Variants in SCLT1 observed in about 807,000 individuals in gnomAD.
SCLT1 encodes the protein sodium channel and clathrin linker 1.
SCLT1 carries 78 observed loss-of-function variants against 112.8 expected under a neutral mutation model. That is an observed-to-expected ratio of 0.69 (90% CI 0.58 to 0.83). SCLT1 has a LOEUF of 0.83. SCLT1 is among the 40% of genes least tolerant of loss of function. SCLT1 has a pLI of 0.00. For synonymous variants in SCLT1, 257 were observed against 254.7 expected (o/e 1.01, Z -0.09); for missense variants, 747 against 770.4 (o/e 0.97, Z 0.36).
chr4:129,057,830 C>G (rs1417394262), intron 2 of SCLT1, among the ~76,000 whole-genome samples: 1 of 151,834 alleles, frequency 6.6e-6, no homozygotes, highest in Non-Finnish European at 1.5e-5. Context: ...CGACTCACTG[C>G]AACCTCTACC....
chr4:129,051,278 T>G (rs1748766349), intron 2 of SCLT1, among the ~76,000 whole-genome samples: 1 of 152,166 alleles, frequency 6.6e-6, no homozygotes, highest in Non-Finnish European at 1.5e-5. Flanking sequence ...CAATGGTAGC[T>G]TGAGGGGAAT....
intron 5 of SCLT1, among the ~76,000 whole-genome samples, chr4:129,009,028 T>C (rs570567364): frequency 2.0e-5 from 3 of 152,356 alleles, no homozygotes; most frequent in African/African-American, 7.2e-5. Context: ...TATTCCATTG[T>C]ATATATGTAC....
chr4:129,084,432 T>TA (rs34518262), intron 1 of SCLT1, among the ~76,000 whole-genome samples: 18 of 151,750 alleles, frequency 1.2e-4, no homozygotes, highest in African/African-American at 2.7e-4. Flanking sequence ...TATAGTACCA[T>TA]AAAAAAAAAT....
intron 5 of SCLT1, among the ~76,000 whole-genome samples, chr4:129,035,311 T>G (rs983351106): frequency 6.6e-6 from 1 of 152,190 alleles, no homozygotes; most frequent in Admixed American, 6.5e-5. Context: ...GCTTTCTTTT[T>G]GCCCTCTCTC....
At chr4:129,074,601 T>C (rs1343595859) in intron 2 of SCLT1, among the ~76,000 whole-genome samples, 5 of 152,202 alleles carry the variant, frequency 3.3e-5, no homozygotes, top group Non-Finnish European at 7.3e-5. Flanking sequence ...TCATTTTCTC[T>C]AAAACAAAAT....
At chr4:129,011,432 A>G (rs1347307178) in intron 5 of SCLT1, among the ~76,000 whole-genome samples, 1 of 152,136 alleles carries the variant, frequency 6.6e-6, no homozygotes, top group African/African-American at 2.4e-5. Flanking sequence ...TTGGCCTCAT[A>G]AAATGAGTTT....
chr4:128,920,497 G>A (rs534939919), intron 18 of SCLT1, among the ~76,000 whole-genome samples: 57 of 152,256 alleles, frequency 3.7e-4, no homozygotes, highest in African/African-American at 1.2e-3. Context: ...TTGCCATGTT[G>A]GCCAGGCTGG....
At chr4:129,001,608 T>C (rs1349624554) in intron 6 of SCLT1, among the ~76,000 whole-genome samples, 1 of 152,080 alleles carries the variant, frequency 6.6e-6, no homozygotes, top group Non-Finnish European at 1.5e-5. Context: ...CTGGATCAAA[T>C]AATGCAAACA....
At position 129,084,521 on chromosome 4, in the gene SCLT1, C is replaced by CT. The variant is rs566969647; in HGVS notation, c.35-2149dup. On this transcript the variant is annotated intron_variant, in intron 1 of 20. Transcript: ENST00000281142. ...CTATGAAACGTTTCTCTGGAAAAAA[C>CT]TTTAAAATTCATATGAAACCAAAAA... Among the ~76,000 whole-genome samples, 9 of 152,114 alleles carry CT rather than the reference C, an allele frequency of 5.9e-5. No homozygotes were observed. The South Asian group carries it at 1.7e-3, about 28-fold the overall frequency.
chr4:128,946,832 G>A (rs2125994445), intron 15 of SCLT1, among the ~76,000 whole-genome samples: 1 of 152,294 alleles, frequency 6.6e-6, no homozygotes, highest in Non-Finnish European at 1.5e-5. Context: ...ATCTAGCTAG[G>A]ATGGGGCTTC....
At chr4:128,980,670 G>A (rs748636400) in intron 9 of SCLT1, among the ~76,000 whole-genome samples, 12 of 152,132 alleles carry the variant, frequency 7.9e-5, no homozygotes, top group Admixed American at 3.9e-4. Context: ...GAGATTACTG[G>A]TAATAAAAAC....
At chr4:128,918,970 A>G (rs554348767) in intron 18 of SCLT1, among the ~76,000 whole-genome samples, 1 of 152,184 alleles carries the variant, frequency 6.6e-6, no homozygotes, top group African/African-American at 2.4e-5. Context: ...TAAGCACACA[A>G]TAATAGTGGG....
intron 5 of SCLT1, among the ~76,000 whole-genome samples, chr4:129,027,106 G>A (rs1380851884): frequency 3.9e-5 from 6 of 152,052 alleles, no homozygotes; most frequent in East Asian, 1.9e-4. Flanking sequence ...ATTCACAGCC[G>A]AATTCTACCA....
chr4:129,038,109 G>C (rs1747348996), intron 5 of SCLT1: 2 of 153,900 alleles, frequency 1.3e-5, no homozygotes, highest in Non-Finnish European at 2.9e-5. Context: ...ACTCCAGCCT[G>C]GGAGACAGAG....
chr4:128,947,165 A>G (rs1304220256), intron 15 of SCLT1, among the ~76,000 whole-genome samples: 1 of 152,206 alleles, frequency 6.6e-6, no homozygotes, highest in East Asian at 1.9e-4. Flanking sequence ...TGGTCTGTGG[A>G]ACAGTGGGAG....
chr4:128,897,732 T>A (rs1733899134), intron 18 of SCLT1, among the ~76,000 whole-genome samples: 1 of 152,132 alleles, frequency 6.6e-6, no homozygotes. Context: ...GCTGGCAAAT[T>A]GGATAAAGAG....
At chr4:129,054,082 T>A (rs1359586444) in intron 2 of SCLT1, among the ~76,000 whole-genome samples, 2 of 152,220 alleles carry the variant, frequency 1.3e-5, no homozygotes, top group African/African-American at 4.8e-5. Flanking sequence ...TGGCCCCCAC[T>A]CTCTTCTGGC....
At chr4:129,083,450 CAAAA>C (rs10708320) in intron 1 of SCLT1, among the ~76,000 whole-genome samples, 9 of 116,380 alleles carry the variant, frequency 7.7e-5, no homozygotes, top group Admixed American at 8.2e-5. Context: ...TATCAAGAAC[CAAAA>C]AAAAAAAAAA....
chr4:128,973,947 A>G (rs1740927121), intron 9 of SCLT1, among the ~76,000 whole-genome samples: 1 of 152,180 alleles, frequency 6.6e-6, no homozygotes, highest in African/African-American at 2.4e-5. Flanking sequence ...ATCTAAAATA[A>G]AAGGCAGAAG....
Sources: allele counts gnomAD v4.1 joint callset (sites outside exome capture counted in the v4.1 genomes callset), GRCh38; gene constraint gnomAD v4.1.1; transcripts MANE v1.5; gene names NCBI Gene and HGNC (gene_info 2026-07-23, HGNC 2026-07-21).